Variants in PFN1 observed in about 807,000 individuals in gnomAD.
PFN1 encodes profilin-1.
PFN1 carries 2 observed loss-of-function variants against 11.7 expected under a neutral mutation model. That is an observed-to-expected ratio of 0.17 (90% CI 0.07 to 0.54). The LOEUF is 0.54. Ranked by LOEUF, PFN1 falls within the 20% of genes least tolerant of loss-of-function variation. PFN1 has a pLI of 0.94. For missense variants in PFN1, 97 were observed against 188.4 expected, an observed-to-expected ratio of 0.51 and a Z score of 2.84; for synonymous variants, 78 against 76.2, an observed-to-expected ratio of 1.02 and a Z score of -0.12.
chr17:4,946,031 T>C (rs1225568611), intron 2 of PFN1, 34 bp from the exon 3 acceptor site: 2 of 1,508,512 alleles, frequency 1.3e-6, no homozygotes, highest in Admixed American at 3.3e-5. Context: ...GAGGCTAGGA[T>C]CCAGGTGTCA....
intron 1 of PFN1, chr17:4,947,129 G>A (rs1971415648): frequency 5.9e-6 from 1 of 170,204 alleles, no homozygotes; most frequent in South Asian, 1.7e-4. Flanking sequence ...GGGAGTCAGT[G>A]AGGTAAGTGA....
rs759969693 is a variant in PFN1 at position 4,946,673 on chromosome 17, C to T, written c.280G>A (p.Gly94Ser). 8 of 1,613,890 alleles carry T rather than the reference C, an allele frequency of 5.0e-6. No homozygotes were observed. In the South Asian group the frequency reaches 5.5e-5, roughly 11 times the overall value. Residue 94 changes from glycine (G) to serine (S), a missense_variant, in exon 2 of 3, where the codon GGT becomes AGT. Gly to Ser is a moderately conservative substitution (Grantham distance 56). Transcript: ENST00000225655. ...FSMDLRTKST[G>S]GAPTFNVTVT... ...GTGACATTGAAGGTGGGGGCCCCACCGGTGCTCTTGGTACGAAGATCCATG... is the reference window on the plus strand; with the variant it reads ...GTGACATTGAAGGTGGGGGCCCCACTGGTGCTCTTGGTACGAAGATCCATG...
rs375017164 is a variant in PFN1, at chr17:4,948,436, C to G, written c.-42G>C. On this transcript the variant is annotated 5_prime_UTR_variant, in exon 1 of 3. Transcript: ENST00000225655. Reference sequence around the variant, plus strand: ...CTGCTCTCGGCGCTGCTGCTGGGGCCGCGGACTGGGCTCGAGCTGCCTCGG... The same window carrying G: ...CTGCTCTCGGCGCTGCTGCTGGGGCGGCGGACTGGGCTCGAGCTGCCTCGG... 7 of 1,558,374 alleles carry G rather than the reference C, an allele frequency of 4.5e-6. No homozygotes were observed. The African/African-American group carries it at 8.4e-5, about 19-fold the overall frequency.
chr17:4,946,599 TA>T, intron 2 of PFN1, 28 bp downstream of exon 2: 1 of 1,557,712 alleles, frequency 6.4e-7, no homozygotes, highest in Non-Finnish European at 8.7e-7. Context: ...ATCTTGGAGC[TA>T]AAGGAAGGGT....
intron 1 of PFN1, 59 bp downstream of exon 1, chr17:4,948,204 G>T: frequency 1.1e-4 from 127 of 1,129,844 alleles, no homozygotes; most frequent in Non-Finnish European, 1.4e-4. Context: ...CCCCACCCAA[G>T]TCCCTCCCTC....
intron 1 of PFN1, 39 bp from the exon 2 acceptor site, chr17:4,946,859 C>T: frequency 6.4e-7 from 1 of 1,560,712 alleles, no homozygotes; most frequent in Non-Finnish European, 8.7e-7. Context: ...TTAGTCAGTG[C>T]ACCAAGATTC....
At chr17:4,947,032 A>C in intron 1 of PFN1, 1 of 467,244 alleles carries the variant, frequency 2.1e-6, no homozygotes, top group Non-Finnish European at 3.8e-6. Flanking sequence ...TGAAACTTAG[A>C]ATATGGAACC....
intron 1 of PFN1, 189 bp downstream of exon 1, chr17:4,948,074 C>T (rs2151135913): frequency 1.8e-6 from 1 of 545,626 alleles, no homozygotes; most frequent in Admixed American, 4.3e-5. Flanking sequence ...GGCGCCGCCG[C>T]CTGGGGCATA....
intron 2 of PFN1, 141 bp from the exon 3 acceptor site, chr17:4,946,138 C>T: frequency 1.6e-6 from 1 of 615,580 alleles, no homozygotes; most frequent in South Asian, 1.9e-5. Context: ...CACACACAGG[C>T]AGGCTGTCAG....
Position 4,945,989 on chromosome 17 carries a change from G to A in PFN1, c.334C>T (p.Leu112=), listed in dbSNP as rs13204. The change falls in exon 3 of 3, where the codon CTG becomes TTG. Residue 112 remains leucine (L), a synonymous_variant. Coordinates refer to ENST00000225655, the MANE Select transcript of PFN1 (RefSeq NM_005022.4). ...TVTKTDKTLV[L]LMGKEGVHGG... is the part of the protein sequence containing the mutation. ...TGGACACCTTCTTTGCCCATCAGCA[G>A]GACTAGCGCTGGAGGAGGAGGAAAG... is the stretch of plus-strand genomic sequence containing the variant. The A allele has an allele frequency of 0.047, 75,825 of 1,610,122 alleles. 3,106 individuals carry two copies. The highest frequency in any genetic ancestry group is 0.22 in the East Asian group (9,766 of 44,820).
chr17:4,948,291 A>G lies in PFN1; in HGVS notation c.104T>C (p.Val35Ala). Reference protein sequence around the residue: ...YKDSPSVWAAVPGKTFVNITP... With the variant: ...YKDSPSVWAAAPGKTFVNITP... ...GATGTTGACGAACGTTTTCCCGGGG[A>G]CGGCGGCCCAGACGGAGGGCGAGTC... Residue 35 changes from valine to alanine, a missense_variant, in exon 1 of 3, where the codon GTC becomes GCC. Physicochemically the swap from Val to Ala is moderately conservative, Grantham distance 64 (BLOSUM62 0). Coordinates refer to ENST00000225655, the MANE Select transcript of PFN1 (RefSeq NM_005022.4). 1 of 1,608,098 alleles carries G rather than the reference A, an allele frequency of 6.2e-7. No homozygotes were observed. The highest frequency in any genetic ancestry group is 1.7e-5 in the Admixed American group (1 of 59,436).
At position 4,948,436 on chromosome 17, in the gene PFN1, C is replaced by T; in HGVS notation, c.-42G>A. 2 of 1,558,490 alleles carry T rather than the reference C, an allele frequency of 1.3e-6. No individual in the cohort carries two copies. Among genetic ancestry groups the T allele is most frequent in the Middle Eastern group, 1.7e-4 (1 of 5,902 alleles). On this transcript the variant is annotated 5_prime_UTR_variant, in exon 1 of 3. Coordinates refer to ENST00000225655, the MANE Select transcript of PFN1 (RefSeq NM_005022.4). Reference sequence around the variant, plus strand: ...CTGCTCTCGGCGCTGCTGCTGGGGCCGCGGACTGGGCTCGAGCTGCCTCGG... The same window carrying T: ...CTGCTCTCGGCGCTGCTGCTGGGGCTGCGGACTGGGCTCGAGCTGCCTCGG...
chr17:4,947,979 CCGCCGCACCGGG>C (rs1971443171), intron 1 of PFN1: 2 of 350,964 alleles, frequency 5.7e-6, no homozygotes, highest in Non-Finnish European at 1.0e-5. Context: ...CGGAAGTGGG[CCGCCGCACCGGG>C]CGCCGCGCCC....
chr17:4,946,538 G>GA, intron 2 of PFN1, 90 bp downstream of exon 2: 1 of 984,658 alleles, frequency 1.0e-6, no homozygotes, highest in Non-Finnish European at 1.5e-6. Flanking sequence ...TCATGTTGGG[G>GA]AATCACACAA....
chr17:4,946,643 T>C lies in PFN1; in HGVS notation c.310A>G (p.Thr104Ala). ...AGGAACTCACTCTTGTCAGTCTTGG[T>C]GACAGTGACATTGAAGGTGGGGGCC... The part of the protein sequence containing the change: ...GGAPTFNVTV[T>A]KTDKTLVLLM... The change falls in exon 2 of 3, where the codon ACC (threonine) becomes GCC (alanine). Residue 104 changes from threonine to alanine, a missense_variant. Physicochemically the swap from Thr to Ala is moderately conservative, Grantham distance 58 (BLOSUM62 0). Transcript: ENST00000225655. 6.2e-7 allele frequency: 1 copy of C among 1,612,308 alleles called. No homozygotes were observed. The highest frequency in any genetic ancestry group is 8.5e-7 in the Non-Finnish European group (1 of 1,178,950).
intron 2 of PFN1, 125 bp downstream of exon 2, chr17:4,946,503 G>A (rs950644986): frequency 9.9e-6 from 7 of 705,800 alleles, no homozygotes; most frequent in Admixed American, 2.8e-5. Context: ...AGCAGACAAG[G>A]AACACAATAC....
rs1311122613 is a variant in PFN1, at chr17:4,945,729, A to G, written c.*171T>C. ...TTTTCCAACCACACACGGGAGGGAT[A>G]TGGGTAGGGGGAGGTGTCTGTCCAT... On this transcript the variant is annotated 3_prime_UTR_variant, in exon 3 of 3. Coordinates refer to ENST00000225655, the MANE Select transcript of PFN1 (RefSeq NM_005022.4). The G allele has an allele frequency of 3.8e-6, 2 of 522,918 alleles. No homozygotes were observed. The highest frequency in any genetic ancestry group is 7.0e-6 in the Non-Finnish European group (2 of 285,984). 32.4% of individuals were successfully genotyped at this position (522,918 alleles called of 1,614,324 possible).
chr17:4,948,405 C>A lies in PFN1; in HGVS notation c.-11G>T, dbSNP rs1361872297. The A allele has an allele frequency of 6.3e-7, 1 of 1,597,160 alleles. No individual in the cohort carries two copies. The highest frequency in any genetic ancestry group is 8.5e-7 in the Non-Finnish European group (1 of 1,174,902). ...GTTCCACCCGGCCATGGCGCTGCTA[C>A]TGGGGCTGCTCTCGGCGCTGCTGCT... On this transcript the variant is annotated 5_prime_UTR_variant, in exon 1 of 3. Transcript: ENST00000225655.
chr17:4,945,895 C>G lies in PFN1; in HGVS notation c.*5G>C. ...GGAGCGGTGAAGGGGAAGGGACAGA[C>G]GAGGTCAGTACTGGGAACGCCGAAG... On this transcript the variant is annotated 3_prime_UTR_variant, in exon 3 of 3. Transcript: ENST00000225655. 2 of 1,562,718 alleles carry G rather than the reference C, an allele frequency of 1.3e-6. No individual in the cohort carries two copies. Among genetic ancestry groups the G allele is most frequent in the Non-Finnish European group, 1.8e-6 (2 of 1,133,342 alleles).
Sources: allele counts gnomAD v4.1 joint callset, GRCh38; gene constraint gnomAD v4.1.1; transcripts MANE v1.5; gene names NCBI Gene and HGNC (gene_info 2026-07-23, HGNC 2026-07-21).